Variants in TANC2 observed in about 807,000 individuals in gnomAD.
TANC2 encodes the protein tetratricopeptide repeat, ankyrin repeat and coiled-coil containing 2.
In TANC2, 26 loss-of-function variants were observed where a neutral mutation model predicts 210.5. The observed-to-expected ratio is 0.12, with a 90% CI of 0.09 to 0.17. The LOEUF (loss-of-function observed/expected upper bound fraction) is 0.17. TANC2 is among the 10% of genes least tolerant of loss of function. The pLI, the probability that TANC2 is intolerant of heterozygous loss-of-function variation, is 1.00. For missense variants in TANC2, 2,129 were observed against 2,608.9 expected (o/e 0.82, Z 4.01); for synonymous variants, 931 against 967.1 (o/e 0.96, Z 0.69).
At chr17:63,258,082 C>G (rs568792258) in intron 8 of TANC2, among the ~76,000 whole-genome samples, 3 of 152,154 alleles carry the variant, frequency 2.0e-5, no homozygotes, top group African/African-American at 4.8e-5. Context: ...TCTGGGAGAG[C>G]CTTTGTTTCT....
chr17:63,257,623 G>A (rs954678993), intron 8 of TANC2, among the ~76,000 whole-genome samples: 2 of 152,152 alleles, frequency 1.3e-5, no homozygotes, highest in Non-Finnish European at 2.9e-5. Context: ...GCCTCCCAAA[G>A]TGCTGGGATT....
intron 5 of TANC2, among the ~76,000 whole-genome samples, chr17:63,189,062 C>T (rs1357226836): frequency 2.0e-5 from 3 of 152,154 alleles, no homozygotes; most frequent in Non-Finnish European, 4.4e-5. Flanking sequence ...ATTTTCTTAG[C>T]ACAATACTTT....
chr17:63,358,767 G>A (rs1254278674), intron 14 of TANC2, among the ~76,000 whole-genome samples: 1 of 152,168 alleles, frequency 6.6e-6, no homozygotes, highest in Non-Finnish European at 1.5e-5. Flanking sequence ...CAACCTTTTA[G>A]TGACTCTCAT....
intron 4 of TANC2, among the ~76,000 whole-genome samples, chr17:63,115,945 T>C (rs532260491): frequency 1.3e-5 from 2 of 152,312 alleles, no homozygotes; most frequent in South Asian, 2.1e-4. Flanking sequence ...TGCAATTCTT[T>C]TTAGTCACAT....
In TANC2 at chr17:63,224,250, A is replaced by ATT. The variant is rs768863390; in HGVS notation, c.770-13546_770-13545dup. Among the ~76,000 whole-genome samples, 660 of 130,280 alleles carry ATT rather than the reference A, an allele frequency of 5.1e-3. 7 individuals are homozygous for ATT. Among genetic ancestry groups the ATT allele is most frequent in the Non-Finnish European group, 6.4e-3 (398 of 62,136 alleles). 85.5% of individuals were successfully genotyped at this position (130,280 alleles called of 152,430 possible). A position where few individuals can be genotyped will look rare whatever the true frequency, so the allele number is the denominator to read the frequency against. On this transcript the variant is annotated intron_variant, in intron 7 of 27. Coordinates refer to ENST00000689528, the Ensembl canonical transcript of TANC2. ...CCTGGTTGCTCTCCCAGACTTGCTG[A>ATT]TTTTTTTTTTTTTTTTTTTGAGACG...
chr17:63,179,528 CACT>C (rs1283500496), intron 5 of TANC2, among the ~76,000 whole-genome samples: 2 of 152,136 alleles, frequency 1.3e-5, no homozygotes, highest in African/African-American at 2.4e-5. Context: ...TTACAGTCAT[CACT>C]ACTACTACTA....
At chr17:63,009,484 T>C (rs1431001063) in intron 1 of TANC2, 53 bp from the exon 2 acceptor site, 25 of 1,265,900 alleles carry the variant, frequency 2.0e-5, no homozygotes, top group Non-Finnish European at 2.7e-5. Flanking sequence ...CACCCTCTTA[T>C]GCTATGAAAA....
intron 7 of TANC2, among the ~76,000 whole-genome samples, chr17:63,236,774 CTTGTT>C (rs1177671107): frequency 6.6e-6 from 1 of 152,026 alleles, no homozygotes; most frequent in East Asian, 1.9e-4. Context: ...CTGCGTCTAA[CTTGTT>C]TTGTTTAAGA....
intron 19 of TANC2, among the ~76,000 whole-genome samples, chr17:63,402,102 C>T (rs1004054521): frequency 6.6e-5 from 10 of 152,202 alleles, no homozygotes; most frequent in African/African-American, 2.4e-4. Flanking sequence ...CCAGTAATAA[C>T]CTCCAGTCTC....
intron 7 of TANC2, among the ~76,000 whole-genome samples, chr17:63,206,162 C>A (rs575174313): frequency 6.6e-6 from 1 of 152,234 alleles, no homozygotes; most frequent in East Asian, 1.9e-4. Flanking sequence ...CTACTTTATA[C>A]CCATTAGGAT....
chr17:63,387,413 G>C (rs963812520), intron 15 of TANC2, among the ~76,000 whole-genome samples: 2 of 152,116 alleles, frequency 1.3e-5, no homozygotes, highest in African/African-American at 4.8e-5. Flanking sequence ...GGTCTTGTTA[G>C]ATGAATTTAT....
intron 19 of TANC2, among the ~76,000 whole-genome samples, chr17:63,400,249 A>G (rs2048301164): frequency 6.6e-6 from 1 of 152,252 alleles, no homozygotes; most frequent in Non-Finnish European, 1.5e-5. Flanking sequence ...CCATGGTGAT[A>G]ATGAATAGAA....
At chr17:63,246,567 G>A (rs935674601) in intron 8 of TANC2, among the ~76,000 whole-genome samples, 1 of 151,976 alleles carries the variant, frequency 6.6e-6, no homozygotes, top group East Asian at 1.9e-4. Flanking sequence ...GGAGTCATAT[G>A]GTATGTCGTC....
intron 8 of TANC2, among the ~76,000 whole-genome samples, chr17:63,252,597 G>T (rs1476601222): frequency 6.6e-6 from 1 of 151,938 alleles, no homozygotes; most frequent in Non-Finnish European, 1.5e-5. Flanking sequence ...CATGAGTTCA[G>T]TTATTTTAAT....
chr17:63,107,759 A>G (rs1002150100), intron 4 of TANC2, among the ~76,000 whole-genome samples: 2 of 151,720 alleles, frequency 1.3e-5, no homozygotes, highest in African/African-American at 4.9e-5. Context: ...TGTCCAGAAT[A>G]GGCAAGTAAT....
intron 1 of TANC2, chr17:62,967,057 A>G (rs2031386141): frequency 6.6e-6 from 1 of 152,288 alleles, no homozygotes; most frequent in South Asian, 2.1e-4. Flanking sequence ...GTGGCAGGGA[A>G]TGTGGTGCAG....
intron 2 of TANC2, among the ~76,000 whole-genome samples, chr17:63,052,768 TCTTTGTTA>T (rs1380902419): frequency 6.6e-6 from 1 of 152,162 alleles, no homozygotes; most frequent in Non-Finnish European, 1.5e-5. Context: ...CTTAATCCCA[TCTTTGTTA>T]CAACTACTGA....
At chr17:63,424,898 A>C (rs1041957193) in exon 28 of TANC2, 1 of 152,234 alleles carries the variant, frequency 6.6e-6, no homozygotes, top group Admixed American at 6.5e-5. Context: ...AAAAAGATTA[A>C]GAATTTTTTA....
chr17:63,032,216 C>T (rs2034798902), intron 2 of TANC2, among the ~76,000 whole-genome samples: 1 of 152,132 alleles, frequency 6.6e-6, no homozygotes, highest in African/African-American at 2.4e-5. Flanking sequence ...GATACTGATT[C>T]AGTTCTTTTG....
Sources: gnomAD v4.1 joint callset for allele counts (sites outside exome capture counted in the v4.1 genomes callset) on GRCh38, gnomAD v4.1.1 for gene constraint, MANE v1.5 for transcripts, NCBI Gene and HGNC (gene_info 2026-07-23, HGNC 2026-07-21) for gene names.